The following NLGN1 variants were observed in gnomAD, a reference collection of about 807,000 sequenced individuals.
NLGN1 encodes neuroligin 1.
NLGN1 carries 12 observed loss-of-function variants against 65.5 expected under a neutral mutation model. The ratio of observed to expected loss-of-function variants is 0.18; its 90% CI spans 0.12 to 0.30. NLGN1 has a LOEUF of 0.30. NLGN1 is among the 10% of genes least tolerant of loss of function. The pLI is 1.00. For synonymous variants in NLGN1, 350 were observed against 359.5 expected, an observed-to-expected ratio of 0.97 and a Z score of 0.30; for missense variants, 750 against 1,007.1, an observed-to-expected ratio of 0.74 and a Z score of 3.46.
chr3:173,405,009 T>A (rs1392244593), intron 1 of NLGN1, among the ~76,000 whole-genome samples: 4 of 152,136 alleles, frequency 2.6e-5, no homozygotes. Flanking sequence ...CATATATCCA[T>A]CTTTTACATG....
intron 1 of NLGN1, among the ~76,000 whole-genome samples, chr3:173,411,310 G>A (rs961369057): frequency 1.3e-5 from 2 of 152,188 alleles, no homozygotes; most frequent in Non-Finnish European, 2.9e-5. Flanking sequence ...TACATTGAAA[G>A]AGTGGTCATC....
intron 2 of NLGN1, among the ~76,000 whole-genome samples, chr3:173,585,398 T>G (rs1482725140): frequency 6.6e-6 from 1 of 152,086 alleles, no homozygotes; most frequent in Non-Finnish European, 1.5e-5. Context: ...CGCTGGTGCT[T>G]CGGCCGCCGT....
chr3:174,041,923 AG>A (rs1237471182), intron 4 of NLGN1, among the ~76,000 whole-genome samples: 2 of 152,112 alleles, frequency 1.3e-5, no homozygotes, highest in African/African-American at 4.8e-5. Flanking sequence ...GTGTGTTGGC[AG>A]GTGCCTGTAA....
intron 2 of NLGN1, among the ~76,000 whole-genome samples, chr3:173,467,585 C>T (rs200285015): frequency 3.5e-4 from 53 of 152,068 alleles, no homozygotes; most frequent in Non-Finnish European, 5.0e-4. Context: ...CAGACATTGC[C>T]ATCTTTATCA....
intron 4 of NLGN1, among the ~76,000 whole-genome samples, chr3:173,913,034 C>T (rs1049075341): frequency 1.3e-5 from 2 of 152,142 alleles, no homozygotes; most frequent in African/African-American, 4.8e-5. Context: ...TTTAAAATCC[C>T]TCTTTCTCTT....
chr3:173,935,319 A>C (rs1238636168), intron 4 of NLGN1, among the ~76,000 whole-genome samples: 2 of 152,052 alleles, frequency 1.3e-5, no homozygotes, highest in African/African-American at 4.8e-5. Flanking sequence ...TCAGAGATGA[A>C]GTTTAGCGGC....
intron 4 of NLGN1, among the ~76,000 whole-genome samples, chr3:174,265,712 A>G (rs940296019): frequency 1.3e-5 from 2 of 149,626 alleles, no homozygotes; most frequent in African/African-American, 4.9e-5. Context: ...AATTCCTTAA[A>G]TTTGTTTATT....
At chr3:174,059,567 A>G (rs1048954836) in intron 4 of NLGN1, among the ~76,000 whole-genome samples, 1 of 152,124 alleles carries the variant, frequency 6.6e-6, no homozygotes, top group South Asian at 2.1e-4. Flanking sequence ...CTTTAAGCCT[A>G]TAGACATTTT....
intron 3 of NLGN1, among the ~76,000 whole-genome samples, chr3:173,636,483 C>T (rs555948389): frequency 1.3e-3 from 201 of 151,866 alleles, no homozygotes; most frequent in Non-Finnish European, 2.4e-3. Context: ...CTTTTTTTCC[C>T]TTTGATTTAA....
chr3:173,695,560 C>T, intron 3 of NLGN1: 1 of 356,164 alleles, frequency 2.8e-6, no homozygotes, highest in Non-Finnish European at 5.5e-6. Flanking sequence ...TTCAGTGCCT[C>T]TTACACTATA....
chr3:173,403,793 G>A (rs931707096), intron 1 of NLGN1, among the ~76,000 whole-genome samples: 19 of 152,006 alleles, frequency 1.2e-4, no homozygotes, highest in Non-Finnish European at 2.6e-4. Context: ...TTAAATCGTA[G>A]CTGCTTCAAA....
At chr3:173,719,581 A>G (rs1357112059) in intron 3 of NLGN1, among the ~76,000 whole-genome samples, 3 of 151,990 alleles carry the variant, frequency 2.0e-5, no homozygotes, top group African/African-American at 7.2e-5. Flanking sequence ...AATTAAGGGC[A>G]CTGTTAAAAA....
intron 2 of NLGN1, among the ~76,000 whole-genome samples, chr3:173,511,287 A>T (rs1560362278): frequency 6.6e-6 from 1 of 152,104 alleles, no homozygotes; most frequent in Non-Finnish European, 1.5e-5. Flanking sequence ...AGGAGAAAGT[A>T]AAAAAGGTTC....
chr3:174,260,133 C>T (rs1337651618), intron 4 of NLGN1, among the ~76,000 whole-genome samples: 4 of 151,404 alleles, frequency 2.6e-5, no homozygotes, highest in Admixed American at 1.3e-4. Context: ...TGAATAATGC[C>T]GCAATAAACA....
chr3:173,904,903 A>G (rs1738081379), intron 4 of NLGN1, among the ~76,000 whole-genome samples: 1 of 152,188 alleles, frequency 6.6e-6, no homozygotes, highest in African/African-American at 2.4e-5. Flanking sequence ...ATGATATTGC[A>G]GTGTTCCAAG....
chr3:173,576,655 G>C (rs1209035912), intron 2 of NLGN1, among the ~76,000 whole-genome samples: 3 of 151,754 alleles, frequency 2.0e-5, no homozygotes, highest in African/African-American at 7.3e-5. Flanking sequence ...AAAAACCCTT[G>C]TGATTACTTG....
chr3:173,906,781 C>G (rs1444568866), intron 4 of NLGN1, among the ~76,000 whole-genome samples: 1 of 151,284 alleles, frequency 6.6e-6, no homozygotes, highest in Non-Finnish European at 1.5e-5. Context: ...AGCCTGAGTT[C>G]CAGGCTGCAG....
intron 4 of NLGN1, among the ~76,000 whole-genome samples, chr3:174,094,746 TAAA>T (rs5854552): frequency 5.3e-4 from 47 of 88,902 alleles, no homozygotes; most frequent in African/African-American, 1.8e-3. Context: ...TTGGCTCCGC[TAAA>T]AAAAAAAAAA....
chr3:173,840,550 A>G (rs990709700), intron 4 of NLGN1, among the ~76,000 whole-genome samples: 16 of 152,300 alleles, frequency 1.1e-4, no homozygotes, highest in African/African-American at 3.8e-4. Context: ...ATGCTAGAAG[A>G]AATGAGGTTG....
Sources: gnomAD v4.1 joint callset for allele counts (sites outside exome capture counted in the v4.1 genomes callset) on GRCh38, gnomAD v4.1.1 for gene constraint, MANE v1.5 for transcripts, NCBI Gene and HGNC (gene_info 2026-07-23, HGNC 2026-07-21) for gene names.